CPA6: variants seen among roughly 807,000 people sequenced by gnomAD.
CPA6 encodes carboxypeptidase A6, also known as carboxypeptidase B.
CPA6 carries 58 observed loss-of-function variants against 63.3 expected under a neutral mutation model. That is an observed-to-expected ratio of 0.92 (90% CI 0.74 to 1.14). The LOEUF is 1.14. CPA6 is among the 50% of genes most tolerant of loss of function. CPA6 has a pLI of 0.00. For synonymous variants in CPA6, 185 were observed against 179.0 expected, an observed-to-expected ratio of 1.03 and a Z score of -0.27; for missense variants, 565 against 526.6, an observed-to-expected ratio of 1.07 and a Z score of -0.71.
chr8:67,518,074 T>G (rs1191063264), intron 2 of CPA6, 27 bp from the exon 3 acceptor site: 8 of 1,523,336 alleles, frequency 5.3e-6, no homozygotes, highest in Non-Finnish European at 7.0e-6. Flanking sequence ...AACCTATAAT[T>G]CATATCCAAC....
chr8:67,442,710 C>T (rs1230134214), intron 8 of CPA6, among the ~76,000 whole-genome samples: 1 of 152,080 alleles, frequency 6.6e-6, no homozygotes, highest in African/African-American at 2.4e-5. Context: ...AGTGAAGAAC[C>T]TCTGTGGTGC....
At chr8:67,439,655 A>C (rs541105061) in intron 8 of CPA6, among the ~76,000 whole-genome samples, 48 of 152,286 alleles carry the variant, frequency 3.2e-4, no homozygotes, top group African/African-American at 1.0e-3. Context: ...GAACAGGAAT[A>C]CAGGAATTAA....
intron 1 of CPA6, among the ~76,000 whole-genome samples, chr8:67,745,441 C>A (rs921788215): frequency 1.3e-5 from 2 of 152,164 alleles, no homozygotes; most frequent in African/African-American, 4.8e-5. Context: ...GATTGTTTTA[C>A]TCCTATGTTT....
intron 2 of CPA6, among the ~76,000 whole-genome samples, chr8:67,567,728 C>A (rs1813375164): frequency 6.6e-6 from 1 of 152,318 alleles, no homozygotes; most frequent in South Asian, 2.1e-4. Context: ...CTATGTCACC[C>A]CTCTGCCTTC....
In CPA6 at chr8:67,567,383, A is replaced by G. The variant is rs1479624218; in HGVS notation, c.193-49336T>C. Among the ~76,000 whole-genome samples the G allele has an allele frequency of 3.9e-5, 6 of 152,310 alleles. No individual in the cohort carries two copies. In the East Asian group the frequency reaches 9.7e-4, roughly 25 times the overall value. ...CTCCTACTTTGTATTGAGCTACATA[A>G]TGGTGTAATCAAATTACTCTTATAT... On this transcript the variant is annotated intron_variant, in intron 2 of 10. Coordinates refer to ENST00000297770, the MANE Select transcript of CPA6 (RefSeq NM_020361.5).
At chr8:67,598,623 A>T (rs1814409906) in intron 2 of CPA6, among the ~76,000 whole-genome samples, 1 of 152,196 alleles carries the variant, frequency 6.6e-6, no homozygotes, top group Non-Finnish European at 1.5e-5. Context: ...TGCATATTAA[A>T]ATGTAGATGA....
chr8:67,722,697 A>G lies in CPA6; in HGVS notation c.116+23317T>C, dbSNP rs376746398. On this transcript the variant is annotated intron_variant, in intron 1 of 10. Transcript: ENST00000297770. ...TTTTGCCCTATGATACCCTTATTTCAGGGACATTTGGAGCACTTGATATTT... is the reference window on the plus strand; with the variant it reads ...TTTTGCCCTATGATACCCTTATTTCGGGGACATTTGGAGCACTTGATATTT... Among the ~76,000 whole-genome samples, 11 of 152,218 alleles carry G rather than the reference A, an allele frequency of 7.2e-5. No homozygotes were observed. In the South Asian group the frequency reaches 2.1e-3, roughly 29 times the overall value.
intron 6 of CPA6, among the ~76,000 whole-genome samples, chr8:67,502,005 G>A (rs531001039): frequency 2.8e-4 from 43 of 152,200 alleles, no homozygotes; most frequent in African/African-American, 7.2e-4. Context: ...TTTTGTCTAC[G>A]TTGTCAAATT....
chr8:67,696,182 A>G (rs933142976), intron 1 of CPA6, among the ~76,000 whole-genome samples: 14 of 152,200 alleles, frequency 9.2e-5, no homozygotes, highest in African/African-American at 3.4e-4. Flanking sequence ...CAGGATAACC[A>G]TATGCTGGGC....
At chr8:67,447,021 CACAT>C (rs1478057222) in intron 8 of CPA6, among the ~76,000 whole-genome samples, 3 of 130,132 alleles carry the variant, frequency 2.3e-5, no homozygotes, top group African/African-American at 3.9e-5. Context: ...TATACACACA[CACAT>C]ATATATACAC....
intron 1 of CPA6, among the ~76,000 whole-genome samples, chr8:67,643,248 C>G (rs1458418580): frequency 1.3e-5 from 2 of 152,038 alleles, no homozygotes; most frequent in African/African-American, 4.8e-5. Flanking sequence ...TCCACAGCAC[C>G]AAGAGGTAGG....
chr8:67,657,467 A>G (rs1477699318), intron 1 of CPA6, among the ~76,000 whole-genome samples: 1 of 152,226 alleles, frequency 6.6e-6, no homozygotes, highest in Non-Finnish European at 1.5e-5. Context: ...TCTCTAAAAG[A>G]TGAGAAGTAT....
intron 1 of CPA6, among the ~76,000 whole-genome samples, chr8:67,715,544 A>T (rs2129000931): frequency 6.6e-6 from 1 of 152,358 alleles, no homozygotes; most frequent in South Asian, 2.1e-4. Context: ...GTGATAAACC[A>T]AGTTGGTTTA....
intron 1 of CPA6, among the ~76,000 whole-genome samples, chr8:67,692,053 T>G (rs1816823111): frequency 6.6e-6 from 1 of 152,130 alleles, no homozygotes; most frequent in Admixed American, 6.6e-5. Flanking sequence ...AACAAGAGAT[T>G]GGGCTGGGTA....
At chr8:67,586,565 C>T (rs1031567544) in intron 2 of CPA6, among the ~76,000 whole-genome samples, 5 of 152,024 alleles carry the variant, frequency 3.3e-5, no homozygotes, top group African/African-American at 4.8e-5. Flanking sequence ...ATTACCTCAG[C>T]GGGTAATGAT....
rs777807877 is a variant in CPA6, at chr8:67,511,547, T to C, written c.426A>G (p.Leu142=). 4 of 1,566,782 alleles carry C rather than the reference T, an allele frequency of 2.6e-6. No homozygotes were observed. In the African/African-American group the frequency reaches 4.0e-5, roughly 16 times the overall value. The change falls in exon 4 of 11, where the codon TTA becomes TTG. Residue 142 remains leucine, a synonymous_variant. Transcript: ENST00000297770. ...SGYNYEVYHS[L]EEIQNWMHHL... ...AGCTCTTTTGATTACATACTTCTTC[T>C]AAGGAGTGATAAACTTCATAATTAT... is the stretch of plus-strand genomic sequence containing the variant.
At chr8:67,688,441 A>C (rs1207470856) in intron 1 of CPA6, among the ~76,000 whole-genome samples, 1 of 152,212 alleles carries the variant, frequency 6.6e-6, no homozygotes, top group African/African-American at 2.4e-5. Flanking sequence ...GCTCCTTATT[A>C]CTTCAGTAAT....
intron 1 of CPA6, among the ~76,000 whole-genome samples, chr8:67,687,257 G>C (rs1408393334): frequency 2.0e-5 from 3 of 152,212 alleles, no homozygotes; most frequent in Admixed American, 2.0e-4. Context: ...CCTCAGTCCT[G>C]AGCCTTGAGC....
chr8:67,461,049 C>CT (rs111558015), intron 8 of CPA6, among the ~76,000 whole-genome samples: 24,773 of 139,168 alleles, frequency 0.18, 2,578 homozygotes, highest in African/African-American at 0.29. Flanking sequence ...AATTCGATTT[C>CT]TTTTTTTTTT....
Sources: allele counts gnomAD v4.1 joint callset (sites outside exome capture counted in the v4.1 genomes callset), GRCh38; gene constraint gnomAD v4.1.1; transcripts MANE v1.5; gene names NCBI Gene and HGNC (gene_info 2026-07-23, HGNC 2026-07-21).